The following EGF variants were observed in gnomAD, a reference collection of about 807,000 sequenced individuals.
EGF encodes pro-epidermal growth factor.
A neutral mutation model predicts 143.8 loss-of-function variants in EGF; 95 were observed. The ratio of observed to expected loss-of-function variants is 0.66; its 90% CI spans 0.56 to 0.78. The LOEUF (loss-of-function observed/expected upper bound fraction) is 0.78. Among genes scored for constraint, EGF ranks in the 30% least tolerant of loss-of-function variants. The pLI is 0.00. For missense variants in EGF, 1,320 were observed against 1,470.9 expected (o/e 0.90, Z 1.68); for synonymous variants, 510 against 510.5 (o/e 1.00, Z 0.01).
At chr4:109,975,336 T>C (rs1748324300) in intron 12 of EGF, among the ~76,000 whole-genome samples, 1 of 152,198 alleles carries the variant, frequency 6.6e-6, no homozygotes, top group Non-Finnish European at 1.5e-5. Context: ...AAACCAACCC[T>C]ATTTTATTTA....
chr4:109,968,665 T>G (rs1746996180), intron 10 of EGF: 1 of 352,646 alleles, frequency 2.8e-6, no homozygotes, highest in Non-Finnish European at 5.3e-6. Context: ...TATATTTATA[T>G]CTATATACAT....
intron 13 of EGF, among the ~76,000 whole-genome samples, chr4:109,979,238 A>C (rs1748949293): frequency 6.6e-6 from 1 of 152,108 alleles, no homozygotes; most frequent in Non-Finnish European, 1.5e-5. Context: ...GAAAGAGACA[A>C]GGAGGAGCTA....
At chr4:110,005,550 A>G (rs976234407) in intron 22 of EGF, among the ~76,000 whole-genome samples, 4 of 152,198 alleles carry the variant, frequency 2.6e-5, no homozygotes, top group African/African-American at 7.2e-5. Flanking sequence ...TCTTTATTTT[A>G]TCTGACAATC....
In EGF at chr4:109,974,809, T is replaced by G; in HGVS notation, c.1829+2T>G. The G allele has an allele frequency of 6.2e-7, 1 of 1,608,904 alleles. No individual in the cohort carries two copies. The highest frequency in any genetic ancestry group is 8.5e-7 in the Non-Finnish European group (1 of 1,175,560). ...AATTGCTGTTCATCCAATGGCCAAGTAGGTATTTGTAAAAATAAGGCACTG... is the reference window on the plus strand; with the variant it reads ...AATTGCTGTTCATCCAATGGCCAAGGAGGTATTTGTAAAAATAAGGCACTG... On this transcript the variant is annotated splice_donor_variant, in intron 12 of 23. Coordinates refer to ENST00000265171, the MANE Select transcript of EGF (RefSeq NM_001963.6). LOFTEE classifies it high-confidence loss of function.
intron 23 of EGF, 137 bp downstream of exon 23, chr4:110,008,367 G>T (rs1753598482): frequency 2.7e-6 from 3 of 1,091,430 alleles, no homozygotes; most frequent in Non-Finnish European, 2.7e-6. Context: ...GTGAATAGCT[G>T]GGCTGTATTG....
chr4:109,966,673 G>A (rs35860692), intron 10 of EGF, among the ~76,000 whole-genome samples: 14,512 of 151,900 alleles, frequency 0.096, 845 homozygotes, highest in East Asian at 0.19. Flanking sequence ...TATAAGAGTT[G>A]TTTTTTTCTT....
At chr4:109,926,761 C>A (rs1429894216) in intron 1 of EGF, among the ~76,000 whole-genome samples, 1 of 151,978 alleles carries the variant, frequency 6.6e-6, no homozygotes, top group Admixed American at 6.6e-5. Context: ...AGTATGCTAC[C>A]CAAAAAGTAA....
At chr4:109,921,568 T>A (rs1424131744) in intron 1 of EGF, among the ~76,000 whole-genome samples, 3 of 151,692 alleles carry the variant, frequency 2.0e-5, no homozygotes, top group Non-Finnish European at 4.4e-5. Flanking sequence ...TTCCCAGTGA[T>A]GTAAGAGTCC....
At chr4:109,998,796 G>A (rs1752163290) in intron 20 of EGF, among the ~76,000 whole-genome samples, 1 of 152,204 alleles carries the variant, frequency 6.6e-6, no homozygotes, top group South Asian at 2.1e-4. Context: ...TGGGGACATG[G>A]ATGAATAAAT....
At chr4:109,981,273 T>G (rs1194304519) in intron 15 of EGF, among the ~76,000 whole-genome samples, 1 of 152,198 alleles carries the variant, frequency 6.6e-6, no homozygotes, top group East Asian at 1.9e-4. Context: ...TGCTATCACC[T>G]CACAAAAATG....
intron 22 of EGF, 49 bp downstream of exon 22, chr4:110,004,671 C>T: frequency 1.3e-6 from 2 of 1,514,568 alleles, no homozygotes; most frequent in Non-Finnish European, 1.8e-6. Context: ...GATATTAACC[C>T]CTATTCATTT....
At chr4:109,961,768 G>T (rs1177290730) in intron 7 of EGF, 95 bp from the exon 8 acceptor site, 1 of 1,540,054 alleles carries the variant, frequency 6.5e-7, no homozygotes, top group African/African-American at 1.4e-5. Context: ...GGAGGTCAAG[G>T]CAGGAGGATC....
rs1027077734 is a variant in EGF at position 110,012,380 on chromosome 4, T to C, written c.*925T>C. ...TTTCTGTTTTTCGTTTTTTTTTTTT[T>C]TCCGGAGAGAGGATAGGATCTCACT... On this transcript the variant is annotated 3_prime_UTR_variant, in exon 24 of 24. Transcript: ENST00000265171. 6.6e-6 allele frequency: 1 copy of C among 150,734 alleles called. No individual in the cohort carries two copies. The highest frequency in any genetic ancestry group is 1.5e-5 in the Non-Finnish European group (1 of 68,028). 9.3% of individuals were successfully genotyped at this position (150,734 alleles called of 1,614,324 possible). A position where few individuals can be genotyped will look rare whatever the true frequency, so the allele number is the denominator to read the frequency against.
chr4:109,974,870 T>A, intron 12 of EGF, 63 bp downstream of exon 12: 1 of 1,337,764 alleles, frequency 7.5e-7, no homozygotes, highest in Non-Finnish European at 1.1e-6. Flanking sequence ...ATGGTTGATA[T>A]GCTAGTGTCC....
intron 5 of EGF, among the ~76,000 whole-genome samples, chr4:109,958,144 A>T (rs10027781): frequency 0.017 from 2,636 of 152,278 alleles, 81 homozygotes; most frequent in African/African-American, 0.059. Context: ...ACATCCTCCC[A>T]TATACTTTAA....
chr4:109,982,257 C>A (rs1365546424), intron 15 of EGF, among the ~76,000 whole-genome samples: 1 of 152,030 alleles, frequency 6.6e-6, no homozygotes, highest in Non-Finnish European at 1.5e-5. Flanking sequence ...GGTCTTCCCA[C>A]CTCGGCCTCC....
chr4:109,998,659 G>C (rs1009474324), intron 20 of EGF, among the ~76,000 whole-genome samples: 4 of 152,228 alleles, frequency 2.6e-5, no homozygotes, highest in African/African-American at 9.6e-5. Context: ...GCTAAAGGTA[G>C]AGACAGGCCT....
Position 109,964,491 on chromosome 4 carries a change from A to C in EGF, c.1529A>C (p.Gln510Pro). Residue 510 changes from glutamine (Q) to proline (P), a missense_variant, in exon 10 of 24, where the codon CAG becomes CCG. Around this residue, in one of 5 missense-constraint regions of EGF, gnomAD observed 1,186 missense variants for 1,313.7 expected, o/e 0.90. Coordinates refer to ENST00000265171, the MANE Select transcript of EGF (RefSeq NM_001963.6). ...GACTATGGAACTCTGCTCAGCCAGC[A>C]GATGGGAATGGTTTATGCCCTAGAT... is the stretch of plus-strand genomic sequence containing the variant. ...GTDYGTLLSQ[Q>P]MGMVYALDHD... 1 of 1,614,000 alleles carries C rather than the reference A, an allele frequency of 6.2e-7. No individual in the cohort carries two copies. The highest frequency in any genetic ancestry group is 8.5e-7 in the Non-Finnish European group (1 of 1,179,870).
chr4:109,925,414 T>C (rs956449422), intron 1 of EGF, among the ~76,000 whole-genome samples: 4 of 152,252 alleles, frequency 2.6e-5, no homozygotes, highest in Admixed American at 2.0e-4. Flanking sequence ...ACTCACTATG[T>C]GTCAGACAAG....
Sources: allele counts gnomAD v4.1 joint callset (sites outside exome capture counted in the v4.1 genomes callset), GRCh38; gene constraint gnomAD v4.1.1; regional missense constraint gnomAD v4.1.1; transcripts MANE v1.5; gene names NCBI Gene and HGNC (gene_info 2026-07-23, HGNC 2026-07-21).